The following ATP7A variants were observed in gnomAD, a reference collection of about 807,000 sequenced individuals.
The protein encoded by ATP7A is copper-transporting ATPase 1.
ATP7A carries 7 observed loss-of-function variants against 83.5 expected under a neutral mutation model. The observed-to-expected ratio is 0.08, with a 90% confidence interval of 0.05 to 0.16. The LOEUF (loss-of-function observed/expected upper bound fraction) is 0.16. ATP7A is among the 10% of genes least tolerant of loss of function. The probability of loss-of-function intolerance (pLI) is 1.00; values close to 1 mark genes in which losing one functional copy is unlikely to be tolerated. For missense variants in ATP7A, 940 were observed against 1,120.8 expected (o/e 0.84, Z 2.30); for synonymous variants, 354 against 395.2 (o/e 0.90, Z 1.24).
chrX:78,006,412 T>C (rs2077775127), intron 6 of ATP7A, among the ~76,000 whole-genome samples: 1 of 112,477 alleles, frequency 8.9e-6, no homozygotes, highest in South Asian at 3.6e-4. Flanking sequence ...CATGGGATAC[T>C]GAGTAGCTAT....
At chrX:78,045,074 C>T (rs1214197108) in intron 21 of ATP7A, among the ~76,000 whole-genome samples, 1 of 112,288 alleles carries the variant, frequency 8.9e-6, no homozygotes, top group Non-Finnish European at 1.9e-5. Flanking sequence ...TGTGAGCAAA[C>T]ATTCTTATGT....
chrX:78,020,503 T>G, intron 13 of ATP7A, 105 bp downstream of exon 13: 2 of 960,343 alleles, frequency 2.1e-6, no homozygotes, highest in South Asian at 2.1e-5. Context: ...TTAGTTGCAT[T>G]AATATGGAGT....
chrX:77,983,915 C>T (rs1247780192), intron 2 of ATP7A, among the ~76,000 whole-genome samples: 2 of 111,158 alleles, frequency 1.8e-5, no homozygotes, highest in Non-Finnish European at 3.8e-5. Flanking sequence ...GAACTCCTGG[C>T]CTTAAGTGAT....
At chrX:77,945,483 C>T (rs1275061454) in intron 1 of ATP7A, among the ~76,000 whole-genome samples, 1 of 112,168 alleles carries the variant, frequency 8.9e-6, no homozygotes, top group Admixed American at 9.5e-5. Flanking sequence ...CCTGGCCTGG[C>T]AATTATCTTT....
At chrX:77,962,829 C>G (rs886133396) in intron 1 of ATP7A, 2 of 385,213 alleles carry the variant, frequency 5.2e-6, no homozygotes, top group South Asian at 4.7e-5. Flanking sequence ...GGAAAATGCA[C>G]GTTTCCTTAA....
At chrX:77,943,197 T>G (rs2077360834) in intron 1 of ATP7A, among the ~76,000 whole-genome samples, 1 of 112,474 alleles carries the variant, frequency 8.9e-6, no homozygotes, top group Non-Finnish European at 1.9e-5. Context: ...TGAAGAAAAC[T>G]GTCTGATTTT....
At chrX:78,045,890 G>A (rs936204902) in intron 22 of ATP7A, among the ~76,000 whole-genome samples, 5 of 111,887 alleles carry the variant, frequency 4.5e-5, no homozygotes, top group Admixed American at 3.8e-4. Flanking sequence ...GGCTGAGGCA[G>A]GAGAATCACT....
At chrX:78,002,010 G>T (rs1221369383) in intron 5 of ATP7A, among the ~76,000 whole-genome samples, 1 of 110,628 alleles carries the variant, frequency 9.0e-6, no homozygotes, top group Non-Finnish European at 1.9e-5. Context: ...TAATGTGTAT[G>T]TTGGTATATT....
At position 78,046,778 on chromosome X, in the gene ATP7A, A is replaced by G. The variant is rs142059968; in HGVS notation, c.*208A>G. 6,462 of 491,489 alleles carry G rather than the reference A, an allele frequency of 0.013. 140 individuals are homozygous for G. Among genetic ancestry groups the G allele is most frequent in the Non-Finnish European group, 9.9e-3 (3,008 of 303,002 alleles). 40.5% of individuals were successfully genotyped at this position (491,489 alleles called of 1,213,427 possible). Reference sequence around the variant, plus strand: ...GCTTTATTTAAACTGAATTTCCAGTATATTTTTGTTTTCACTAACAACAGA... The same window carrying G: ...GCTTTATTTAAACTGAATTTCCAGTGTATTTTTGTTTTCACTAACAACAGA... On this transcript the variant is annotated 3_prime_UTR_variant, in exon 23 of 23. Coordinates refer to ENST00000341514, the MANE Select transcript of ATP7A (RefSeq NM_000052.7).
intron 10 of ATP7A, among the ~76,000 whole-genome samples, chrX:78,014,173 C>T (rs1290070924): frequency 4.5e-5 from 5 of 110,067 alleles, no homozygotes; most frequent in African/African-American, 9.9e-5. Flanking sequence ...TTTGGGAGGC[C>T]GAGGTGGGTG....
chrX:77,968,383 G>A (rs782363641), intron 1 of ATP7A, among the ~76,000 whole-genome samples: 1 of 112,164 alleles, frequency 8.9e-6, no homozygotes, highest in South Asian at 3.7e-4. Context: ...ATCCTCTGGG[G>A]TCAAGGAGGA....
At chrX:78,032,490 G>A (rs1014470803) in intron 16 of ATP7A, among the ~76,000 whole-genome samples, 6 of 111,555 alleles carry the variant, frequency 5.4e-5, no homozygotes, top group South Asian at 3.7e-4. Context: ...TCTTACCAAC[G>A]CTTTATTTTT....
Position 78,046,317 on chromosome X carries a change from G to T in ATP7A, c.4250G>T (p.Ser1417Ile), listed in dbSNP as rs2078083157. The change falls in exon 23 of 23, where the codon AGT becomes ATT. Residue 1417 changes from serine (S) to isoleucine (I), a missense_variant. By Grantham distance (142) the Ser-to-Ile change is moderately radical (BLOSUM62 -2). Coordinates refer to ENST00000341514, the MANE Select transcript of ATP7A (RefSeq NM_000052.7). ...AGTTACAGGAAACCAACTTACGAGA[G>T]TTATGAACTGCCTGCCCGGAGCCAG... ...LKLYRKPTYESYELPARSQIG... is the reference protein window; with the variant it reads ...LKLYRKPTYEIYELPARSQIG... 3 of 1,211,821 alleles carry T rather than the reference G, an allele frequency of 2.5e-6. No individual in the cohort carries two copies. The East Asian group carries it at 8.9e-5, about 36-fold the overall frequency.
rs1452884501 is a variant in ATP7A, at chrX:77,914,934, AT to A, written c.-22+4101del. 9.0e-5 allele frequency among the ~76,000 whole-genome samples: 10 copies of A among 111,530 alleles called. No individual in the cohort carries two copies. The South Asian group carries it at 1.1e-3, about 12-fold the overall frequency. On this transcript the variant is annotated intron_variant, in intron 1 of 22. Coordinates refer to ENST00000341514, the MANE Select transcript of ATP7A (RefSeq NM_000052.7). ...TTGAACATTTTCTGGAGTATTAGAT[AT>A]TATTCTCTTGATGCTTCAAGGTATC...
chrX:78,025,610 A>G (rs1429485897), intron 14 of ATP7A, among the ~76,000 whole-genome samples: 2 of 111,774 alleles, frequency 1.8e-5, no homozygotes, highest in Non-Finnish European at 3.8e-5. Flanking sequence ...ATACAAGATG[A>G]CCATCCTCAG....
intron 17 of ATP7A, among the ~76,000 whole-genome samples, chrX:78,037,983 T>A (rs1437245900): frequency 1.2e-5 from 1 of 86,134 alleles, no homozygotes; most frequent in African/African-American, 4.6e-5. Context: ...AAGAAAGGTT[T>A]TTTTTTTTTT....
At chrX:77,938,405 G>A (rs1430703301) in intron 1 of ATP7A, among the ~76,000 whole-genome samples, 1 of 112,749 alleles carries the variant, frequency 8.9e-6, no homozygotes, top group Non-Finnish European at 1.9e-5. Flanking sequence ...AATTTCAAGT[G>A]TAATAGGGAA....
intron 19 of ATP7A, 47 bp from the exon 20 acceptor site, chrX:78,042,538 C>T (rs369641333): frequency 1.9e-5 from 22 of 1,145,328 alleles, no homozygotes; most frequent in East Asian, 1.5e-4. Flanking sequence ...TTATGTTTCA[C>T]GTACTCATTA....
chrX:78,000,808 G>A (rs188173467), intron 5 of ATP7A, among the ~76,000 whole-genome samples: 6 of 109,507 alleles, frequency 5.5e-5, no homozygotes, highest in African/African-American at 2.0e-4. Flanking sequence ...GGGACTACAG[G>A]TGTATGCCAC....
Sources: allele counts gnomAD v4.1 joint callset (sites outside exome capture counted in the v4.1 genomes callset), GRCh38; gene constraint gnomAD v4.1.1; transcripts MANE v1.5; gene names NCBI Gene and HGNC (gene_info 2026-07-23, HGNC 2026-07-21).